Variants in MYLK4 observed in about 807,000 individuals in gnomAD.
The protein encoded by MYLK4 is myosin light chain kinase family member 4.
MYLK4 carries 46 observed loss-of-function variants against 48.1 expected under a neutral mutation model. The ratio of observed to expected loss-of-function variants is 0.96; its 90% CI spans 0.75 to 1.22. MYLK4 has a LOEUF of 1.22. Among genes scored for constraint, MYLK4 ranks in the 50% most tolerant of loss-of-function variants. The pLI is 0.00. For missense variants in MYLK4, 451 were observed against 486.1 expected (o/e 0.93, Z 0.68); for synonymous variants, 170 against 180.8 (o/e 0.94, Z 0.48).
chr6:2,765,055 G>A, the MYLK4 span, among the ~76,000 whole-genome samples: 2 of 152,144 alleles, frequency 1.3e-5, 1 homozygote, highest in South Asian at 4.2e-4. Context: ...GGAAAGCGGC[G>A]CTCGCCGCTC....
chr6:2,682,881 G>A (rs934863865), intron 7 of MYLK4, 140 bp downstream of exon 7: 2 of 877,396 alleles, frequency 2.3e-6, no homozygotes, highest in African/African-American at 1.7e-5. Flanking sequence ...AGAATAAGGA[G>A]ATGAGGGTAA....
chr6:2,723,035 C>T (rs551867513), intron 2 of MYLK4, among the ~76,000 whole-genome samples: 1 of 152,056 alleles, frequency 6.6e-6, no homozygotes, highest in South Asian at 2.1e-4. Flanking sequence ...CTCACACCTT[C>T]GATCCCAGCA....
Position 2,685,262 on chromosome 6 carries a change from G to A in MYLK4, c.545+34C>T. ...ACGGTCACGGTCATGAGTGCCCTTGGGGAGGTCAGGGAGGGGGCGGAGGGG... is the reference window on the plus strand; with the variant it reads ...ACGGTCACGGTCATGAGTGCCCTTGAGGAGGTCAGGGAGGGGGCGGAGGGG... On this transcript the variant is annotated intron_variant, in intron 6 of 12. Coordinates refer to ENST00000274643, the MANE Select transcript of MYLK4 (RefSeq NM_001012418.5). The surrounding 1 kb of genome is among the most constrained non-coding windows in gnomAD (Gnocchi z 4.5). 6.6e-7 allele frequency: 1 copy of A among 1,505,538 alleles called. No homozygotes were observed. Among genetic ancestry groups the A allele is most frequent in the South Asian group, 1.1e-5 (1 of 88,814 alleles). The allele number at this position is 1,505,538 out of a possible 1,614,324, so 93.3% of individuals were successfully genotyped here. A position where few individuals can be genotyped will look rare whatever the true frequency, so the allele number is the denominator to read the frequency against.
intron 2 of MYLK4, among the ~76,000 whole-genome samples, chr6:2,714,877 T>A (rs902042860): frequency 2.0e-5 from 3 of 152,218 alleles, no homozygotes; most frequent in Non-Finnish European, 4.4e-5. Context: ...AAATACTGTG[T>A]CATTCCATTT....
At position 2,670,013 on chromosome 6, in the gene MYLK4, T is replaced by C. The variant is rs554452148; in HGVS notation, c.*25+1263A>G. 9.9e-5 allele frequency among the ~76,000 whole-genome samples: 15 copies of C among 152,248 alleles called. No individual in the cohort carries two copies. The South Asian group carries it at 2.9e-3, about 29-fold the overall frequency. ...AAATTCAAGGCAGCTTACAATAATA[T>C]GTACAATCAAAAAGACATGCAAAAA... On this transcript the variant is annotated intron_variant, in intron 12 of 12. Coordinates refer to ENST00000274643, the MANE Select transcript of MYLK4 (RefSeq NM_001012418.5).
At chr6:2,734,699 T>A (rs960188438) in intron 2 of MYLK4, among the ~76,000 whole-genome samples, 3 of 152,334 alleles carry the variant, frequency 2.0e-5, no homozygotes, top group African/African-American at 7.2e-5. Flanking sequence ...AATATGCATA[T>A]GAATATTACT....
intron 2 of MYLK4, among the ~76,000 whole-genome samples, chr6:2,697,454 A>G (rs13211557): frequency 0.54 from 82,490 of 152,148 alleles, 23,937 homozygotes; most frequent in East Asian, 0.81. Context: ...ATTTACTGCC[A>G]TAGGATCCAG....
intron 2 of MYLK4, among the ~76,000 whole-genome samples, chr6:2,722,036 T>C (rs1561865362): frequency 2.0e-5 from 3 of 152,166 alleles, no homozygotes; most frequent in Admixed American, 1.3e-4. Flanking sequence ...GCAAAAGATA[T>C]CTAACAGAGG....
At position 2,665,214 on chromosome 6, in the gene MYLK4, G is replaced by A. The variant is rs1039501659; in HGVS notation, c.*2711C>T. 5 of 152,142 alleles carry A rather than the reference G, an allele frequency of 3.3e-5. No individual in the cohort carries two copies. Among genetic ancestry groups the A allele is most frequent in the Non-Finnish European group, 5.9e-5 (4 of 68,094 alleles). The allele number at this position is 152,142 out of a possible 1,614,324, so 9.4% of individuals were successfully genotyped here. On this transcript the variant is annotated 3_prime_UTR_variant, in exon 13 of 13. Transcript: ENST00000274643. ...ATGCTCGCATCTGGCTTGATTCCTC[G>A]GCTTTGCAAAGCCCCCTTTCCCCAT...
chr6:2,719,835 G>A (rs909765814), intron 2 of MYLK4, among the ~76,000 whole-genome samples: 8 of 152,200 alleles, frequency 5.3e-5, no homozygotes, highest in Non-Finnish European at 1.0e-4. Flanking sequence ...AGCAGCATTT[G>A]TCATCAGAAA....
At chr6:2,726,775 G>T (rs907054042) in intron 2 of MYLK4, among the ~76,000 whole-genome samples, 1 of 152,006 alleles carries the variant, frequency 6.6e-6, no homozygotes, top group Non-Finnish European at 1.5e-5. Flanking sequence ...ACCATGCCAG[G>T]CTAATTTTTT....
the MYLK4 span, among the ~76,000 whole-genome samples, chr6:2,759,662 T>G: frequency 6.6e-6 from 1 of 152,246 alleles, no homozygotes; most frequent in African/African-American, 2.4e-5. Flanking sequence ...GTAAGATGTA[T>G]TAATCTTTTC....
the MYLK4 span, chr6:2,768,783 G>A: frequency 1.2e-6 from 2 of 1,613,742 alleles, no homozygotes; most frequent in Non-Finnish European, 1.7e-6. Context: ...CAAATGATGT[G>A]CGAGATGTCA....
the MYLK4 span, among the ~76,000 whole-genome samples, chr6:2,758,213 T>G: frequency 1.3e-5 from 2 of 152,264 alleles, no homozygotes; most frequent in East Asian, 3.9e-4. Flanking sequence ...CGAAAAATAT[T>G]CTGGAGTAGC....
intron 2 of MYLK4, among the ~76,000 whole-genome samples, chr6:2,734,869 A>G (rs1763613352): frequency 6.6e-6 from 1 of 152,144 alleles, no homozygotes; most frequent in Non-Finnish European, 1.5e-5. Flanking sequence ...AGGAACCCTG[A>G]TGATATGCAG....
At chr6:2,741,396 A>G (rs766865017) in intron 2 of MYLK4, among the ~76,000 whole-genome samples, 77 of 152,348 alleles carry the variant, frequency 5.1e-4, no homozygotes, top group African/African-American at 1.4e-4. Context: ...TTCTCATATT[A>G]AAACAACAGA....
intron 2 of MYLK4, among the ~76,000 whole-genome samples, chr6:2,742,064 T>C (rs1763915928): frequency 6.6e-6 from 1 of 151,382 alleles, no homozygotes; most frequent in Non-Finnish European, 1.5e-5. Context: ...AAGAGAATTA[T>C]AATGTTTTAT....
intron 7 of MYLK4, chr6:2,680,502 C>T (rs1409373289): frequency 1.2e-5 from 12 of 985,298 alleles, no homozygotes; most frequent in Non-Finnish European, 1.4e-5. Flanking sequence ...TCCAGCCTGT[C>T]CTCTGCACGG....
At chr6:2,703,242 A>C (rs773512218) in intron 2 of MYLK4, among the ~76,000 whole-genome samples, 2 of 152,208 alleles carry the variant, frequency 1.3e-5, no homozygotes, top group Non-Finnish European at 2.9e-5. Flanking sequence ...CCAGGGAAAA[A>C]GAGTATCATA....
Sources: gnomAD v4.1 joint callset for allele counts (sites outside exome capture counted in the v4.1 genomes callset) on GRCh38, gnomAD v4.1.1 for gene constraint, Gnocchi (gnomAD v3.1) non-coding constraint, MANE v1.5 for transcripts, NCBI Gene and HGNC (gene_info 2026-07-23, HGNC 2026-07-21) for gene names.